DEAF1: variants seen among roughly 807,000 people sequenced by gnomAD.
The protein encoded by DEAF1 is DEAF1 transcription factor.
Under a neutral mutation model 58.9 loss-of-function variants are expected in DEAF1, and 53 were observed. The observed-to-expected ratio is 0.90, with a 90% CI of 0.72 to 1.13. The LOEUF (loss-of-function observed/expected upper bound fraction) is 1.13, where lower values mean the gene tolerates loss of function less well. Among genes scored for constraint, DEAF1 ranks in the 50% most tolerant of loss-of-function variants. The pLI is 0.00. For missense variants in DEAF1, 685 were observed against 791.4 expected, an observed-to-expected ratio of 0.87 and a Z score of 1.61; for synonymous variants, 385 against 340.4, an observed-to-expected ratio of 1.13 and a Z score of -1.44.
intron 1 of DEAF1, chr11:700,536 A>AG (rs1861402535): frequency 9.8e-6 from 12 of 1,228,016 alleles, no homozygotes; most frequent in Non-Finnish European, 1.4e-5. Flanking sequence ...CAAAAAAAAA[A>AG]AAAAGGAAAA....
intron 11 of DEAF1, among the ~76,000 whole-genome samples, chr11:649,494 C>T (rs952620269): frequency 6.7e-5 from 10 of 149,572 alleles, no homozygotes; most frequent in African/African-American, 2.2e-4. Flanking sequence ...CCGAGGCGGG[C>T]GGATCACTTG....
chr11:653,987 T>C lies in DEAF1; in HGVS notation c.1568A>G (p.Tyr523Cys), dbSNP rs774809715. Residue 523 changes from tyrosine to cysteine, a missense_variant, in exon 11 of 12, where the codon TAC (tyrosine) becomes TGC (cysteine). Physicochemically the swap from Tyr to Cys is radical, Grantham distance 194. Coordinates refer to ENST00000382409, the MANE Select transcript of DEAF1 (RefSeq NM_021008.4). ...SECTGCHKVN[Y>C]CSTFCQRKDW... ...CTTGCGTTGGCAGAAGGTGGAGCAG[T>C]AGTTGACCTTGTGGCAGCCGGTGCA... is the stretch of plus-strand genomic sequence containing the variant. 2.5e-6 allele frequency: 4 copies of C among 1,613,814 alleles called. No individual in the cohort carries two copies. Among genetic ancestry groups the C allele is most frequent in the Non-Finnish European group, 3.4e-6 (4 of 1,179,944 alleles).
chr11:694,688 T>C, intron 1 of DEAF1, 71 bp downstream of exon 1: 2 of 1,256,028 alleles, frequency 1.6e-6, no homozygotes, highest in Non-Finnish European at 2.0e-6. Flanking sequence ...CCTGGGACAG[T>C]TGTGCGGGGC....
At chr11:656,543 G>C (rs1859063844) in intron 10 of DEAF1, among the ~76,000 whole-genome samples, 1 of 152,254 alleles carries the variant, frequency 6.6e-6, no homozygotes, top group South Asian at 2.1e-4. Flanking sequence ...TAACATTCTG[G>C]GTTGCTCTGT....
At chr11:658,190 A>G (rs1280041750) in intron 10 of DEAF1, among the ~76,000 whole-genome samples, 2 of 152,192 alleles carry the variant, frequency 1.3e-5, no homozygotes, top group Admixed American at 6.5e-5. Flanking sequence ...GCACTTTGGG[A>G]GGCTGAGGCA....
chr11:680,882 G>A, intron 7 of DEAF1, 81 bp downstream of exon 7: 1 of 1,593,900 alleles, frequency 6.3e-7, no homozygotes, highest in Non-Finnish European at 8.6e-7. Flanking sequence ...GAATCCCGCA[G>A]TGGCCGTGGG....
chr11:697,761 G>T (rs6597990), upstream of DEAF1: 101,937 of 152,174 alleles, frequency 0.67, 34,312 homozygotes, highest in East Asian at 0.93. Flanking sequence ...GGCCTGCCGG[G>T]AACGCGATGC....
chr11:703,004 G>A, intron 1 of DEAF1: 3 of 1,612,110 alleles, frequency 1.9e-6, no homozygotes, highest in Non-Finnish European at 2.5e-6. Flanking sequence ...GGCCCTCACG[G>A]CTGGCACCGC....
chr11:678,900 G>A (rs1273874919), intron 8 of DEAF1, 78 bp from the exon 9 acceptor site: 1 of 1,582,198 alleles, frequency 6.3e-7, no homozygotes, highest in South Asian at 1.1e-5. Context: ...CTGTATGGCT[G>A]CGCCATTCAG....
chr11:686,578 C>T (rs574235705), intron 5 of DEAF1, among the ~76,000 whole-genome samples: 52 of 152,316 alleles, frequency 3.4e-4, no homozygotes, highest in Middle Eastern at 6.8e-3. Flanking sequence ...GTATTTGACA[C>T]GCCCCCTTTC....
intron 10 of DEAF1, among the ~76,000 whole-genome samples, chr11:673,113 C>T (rs1043356892): frequency 6.6e-6 from 1 of 151,902 alleles, no homozygotes; most frequent in African/African-American, 2.4e-5. Flanking sequence ...CGTGCCACTG[C>T]ACTCCAGCCT....
chr11:644,392 A>G lies in DEAF1; in HGVS notation c.*158T>C, dbSNP rs1858379700. On this transcript the variant is annotated 3_prime_UTR_variant, in exon 12 of 12. Transcript: ENST00000382409. This position sits in a 1 kb window ranked among gnomAD's most constrained non-coding sequence, Gnocchi z 4.3. ...GGGGGAGTGCGCTTCCCAGGGCACC[A>G]TTCGCTTAAAGTGTGTTAATGACTT... 2 of 683,428 alleles carry G rather than the reference A, an allele frequency of 2.9e-6. No homozygotes were observed. Among genetic ancestry groups the G allele is most frequent in the Non-Finnish European group, 5.3e-6 (2 of 379,600 alleles). 42.3% of individuals were successfully genotyped at this position (683,428 alleles called of 1,614,324 possible). A position where few individuals can be genotyped will look rare whatever the true frequency, so the allele number is the denominator to read the frequency against.
At chr11:693,513 G>A (rs562309867) in intron 1 of DEAF1, 14 of 152,484 alleles carry the variant, frequency 9.2e-5, no homozygotes, top group African/African-American at 3.1e-4. Context: ...CTGGGATCCA[G>A]TTCCTCAACC....
chr11:675,663 A>G (rs1419781230), intron 9 of DEAF1, among the ~76,000 whole-genome samples: 1 of 152,166 alleles, frequency 6.6e-6, no homozygotes, highest in Non-Finnish European at 1.5e-5. Context: ...TTTCTACCAA[A>G]AAATACAAAA....
chr11:703,877 G>A, intron 1 of DEAF1: 2 of 1,237,374 alleles, frequency 1.6e-6, no homozygotes, highest in African/African-American at 1.5e-5. Context: ...CACATTCGGA[G>A]CCTCCGTCCA....
chr11:679,996 G>A (rs1196640773), intron 7 of DEAF1, 180 bp from the exon 8 acceptor site: 2 of 752,672 alleles, frequency 2.7e-6, no homozygotes, highest in African/African-American at 2.0e-5. Flanking sequence ...AGACCTCACA[G>A]GAGAAAACCA....
At chr11:664,445 G>A (rs548687298) in intron 10 of DEAF1, among the ~76,000 whole-genome samples, 176 of 149,608 alleles carry the variant, frequency 1.2e-3, no homozygotes, top group Non-Finnish European at 1.5e-3. Flanking sequence ...AGGACAGGGC[G>A]TCACACTCGG....
chr11:703,803 C>T (rs926851272), intron 1 of DEAF1: 1 of 1,233,210 alleles, frequency 8.1e-7, no homozygotes. Context: ...CCTTCAGGGG[C>T]TTCGGAGGAG....
chr11:668,543 C>G (rs1189003267), intron 10 of DEAF1, among the ~76,000 whole-genome samples: 1 of 151,964 alleles, frequency 6.6e-6, no homozygotes, highest in Non-Finnish European at 1.5e-5. Flanking sequence ...AACATTTTGG[C>G]CGGGCACAGT....
Sources: gnomAD v4.1 joint callset for allele counts (sites outside exome capture counted in the v4.1 genomes callset) on GRCh38, gnomAD v4.1.1 for gene constraint, Gnocchi (gnomAD v3.1) non-coding constraint, MANE v1.5 for transcripts, NCBI Gene and HGNC (gene_info 2026-07-23, HGNC 2026-07-21) for gene names.